Variants in CFAP299 observed in about 807,000 individuals in gnomAD.
CFAP299 encodes cilia and flagella associated protein 299, also known as cilia- and flagella-associated protein 299.
A neutral mutation model predicts 27.0 loss-of-function variants in CFAP299; 21 were observed. That is an observed-to-expected ratio of 0.78 (90% CI 0.55 to 1.12). The LOEUF is 1.12. CFAP299 is among the 50% of genes most tolerant of loss of function. CFAP299 has a pLI of 0.00. For synonymous variants in CFAP299, 104 were observed against 98.1 expected (o/e 1.06, Z -0.36); for missense variants, 310 against 276.6 (o/e 1.12, Z -0.86).
At chr4:80,336,431 C>G (rs1473331893) in intron 1 of CFAP299, 1 of 152,958 alleles carries the variant, frequency 6.5e-6, no homozygotes, top group African/African-American at 2.4e-5. Context: ...GTTGTGCAGA[C>G]ATATTCCTGA....
At chr4:80,550,127 TA>T (rs1329736137) in intron 2 of CFAP299, among the ~76,000 whole-genome samples, 1 of 152,046 alleles carries the variant, frequency 6.6e-6, no homozygotes, top group Non-Finnish European at 1.5e-5. Context: ...TTATAGGGAT[TA>T]AAAAATGCAG....
intron 3 of CFAP299, among the ~76,000 whole-genome samples, chr4:80,796,978 G>T (rs369030203): frequency 1.3e-5 from 2 of 152,008 alleles, no homozygotes; most frequent in African/African-American, 4.8e-5. Context: ...TGAGTCCAGG[G>T]ACCCACTGGA....
chr4:80,850,013 C>A (rs932630462), intron 3 of CFAP299, among the ~76,000 whole-genome samples: 36 of 152,066 alleles, frequency 2.4e-4, no homozygotes, highest in African/African-American at 7.7e-4. Context: ...GTCAATTAAA[C>A]ATTTTAAAGC....
At chr4:80,398,583 A>C (rs1008683480) in intron 2 of CFAP299, among the ~76,000 whole-genome samples, 1 of 151,412 alleles carries the variant, frequency 6.6e-6, no homozygotes, top group African/African-American at 2.4e-5. Flanking sequence ...AAAACAAGCA[A>C]TGGGGAAAGG....
chr4:80,961,017 G>A (rs1738319512), intron 5 of CFAP299, among the ~76,000 whole-genome samples: 1 of 151,584 alleles, frequency 6.6e-6, no homozygotes, highest in Non-Finnish European at 1.5e-5. Flanking sequence ...AGTATTCATT[G>A]TATAATTCAA....
intron 2 of CFAP299, among the ~76,000 whole-genome samples, chr4:80,481,424 T>C (rs1426577143): frequency 6.6e-6 from 1 of 152,122 alleles, no homozygotes; most frequent in Non-Finnish European, 1.5e-5. Flanking sequence ...CATTGCCAGA[T>C]GTTGTACTCA....
At chr4:80,355,799 C>A (rs1329557535) in intron 1 of CFAP299, among the ~76,000 whole-genome samples, 6 of 152,134 alleles carry the variant, frequency 3.9e-5, no homozygotes, top group African/African-American at 1.4e-4. Context: ...TCTGTTTGCT[C>A]TGATGATAGT....
intron 3 of CFAP299, among the ~76,000 whole-genome samples, chr4:80,769,371 A>G (rs938211428): frequency 6.6e-6 from 1 of 152,132 alleles, no homozygotes; most frequent in African/African-American, 2.4e-5. Context: ...ATAAAATACT[A>G]TAAACTTAAT....
chr4:80,524,816 G>T (rs773366147), intron 2 of CFAP299, among the ~76,000 whole-genome samples: 1 of 152,090 alleles, frequency 6.6e-6, no homozygotes, highest in Non-Finnish European at 1.5e-5. Context: ...TTATGTCATG[G>T]TTTCTGTTGT....
chr4:80,409,620 T>A (rs1426247917), intron 2 of CFAP299, among the ~76,000 whole-genome samples: 1 of 152,212 alleles, frequency 6.6e-6, no homozygotes, highest in Non-Finnish European at 1.5e-5. Context: ...TTCATGGATT[T>A]TTATTTCGTT....
At chr4:80,559,998 A>G (rs895402144) in intron 2 of CFAP299, among the ~76,000 whole-genome samples, 3 of 152,156 alleles carry the variant, frequency 2.0e-5, no homozygotes, top group Non-Finnish European at 4.4e-5. Context: ...CAGCTGGGAC[A>G]GCCAAGGGAG....
chr4:80,328,118 T>C, the CFAP299 span, among the ~76,000 whole-genome samples: 3 of 151,894 alleles, frequency 2.0e-5, no homozygotes, highest in African/African-American at 7.3e-5. Context: ...AAAATTTTGG[T>C]TGGAGAAAGC....
At chr4:80,859,356 C>G (rs561056209) in intron 3 of CFAP299, among the ~76,000 whole-genome samples, 2 of 152,152 alleles carry the variant, frequency 1.3e-5, no homozygotes, top group South Asian at 2.1e-4. Flanking sequence ...GGTCTTGACT[C>G]TTTATCCAAT....
chr4:80,672,214 G>A (rs1350113883), intron 3 of CFAP299, among the ~76,000 whole-genome samples: 2 of 152,176 alleles, frequency 1.3e-5, no homozygotes, highest in African/African-American at 4.8e-5. Context: ...TTAGCATGAA[G>A]GGATGTTGAA....
chr4:80,791,781 G>A (rs890700671), intron 3 of CFAP299, among the ~76,000 whole-genome samples: 1 of 151,712 alleles, frequency 6.6e-6, no homozygotes, highest in Non-Finnish European at 1.5e-5. Flanking sequence ...ATAAAATGTA[G>A]AATCTCATTG....
At chr4:80,529,671 T>A (rs1733369382) in intron 2 of CFAP299, among the ~76,000 whole-genome samples, 1 of 152,194 alleles carries the variant, frequency 6.6e-6, no homozygotes, top group Non-Finnish European at 1.5e-5. Flanking sequence ...TTCTATTTTA[T>A]TTTCTATGTA....
intron 2 of CFAP299, among the ~76,000 whole-genome samples, chr4:80,426,026 TCAA>T (rs1186033508): frequency 6.6e-6 from 1 of 152,116 alleles, no homozygotes; most frequent in African/African-American, 2.4e-5. Context: ...GATCATTTAG[TCAA>T]CAGCTATGTA....
intron 2 of CFAP299, among the ~76,000 whole-genome samples, chr4:80,484,199 A>G (rs1296816308): frequency 6.6e-6 from 1 of 152,106 alleles, no homozygotes; most frequent in Non-Finnish European, 1.5e-5. Context: ...TACTTGATTA[A>G]CCAATAGTAT....
intron 3 of CFAP299, among the ~76,000 whole-genome samples, chr4:80,681,964 C>A (rs75494917): frequency 2.6e-5 from 4 of 152,086 alleles, no homozygotes; most frequent in African/African-American, 9.7e-5. Flanking sequence ...AAATTTACCA[C>A]CTCAGGAGTT....
Sources: allele counts gnomAD v4.1 joint callset (sites outside exome capture counted in the v4.1 genomes callset), GRCh38; gene constraint gnomAD v4.1.1; transcripts MANE v1.5; gene names NCBI Gene and HGNC (gene_info 2026-07-23, HGNC 2026-07-21).